Variants in FMN1 observed in about 807,000 individuals in gnomAD.
FMN1 encodes formin-1.
Under a neutral mutation model 132.4 loss-of-function variants are expected in FMN1, and 110 were observed. The ratio of observed to expected loss-of-function variants is 0.83; its 90% confidence interval spans 0.71 to 0.97. The LOEUF is 0.97. FMN1 is among the 50% of genes least tolerant of loss of function. The probability of loss-of-function intolerance (pLI) is 0.00; values close to 1 mark genes in which losing one functional copy is unlikely to be tolerated. For synonymous variants in FMN1, 722 were observed against 651.7 expected (o/e 1.11, Z -1.64); for missense variants, 1,792 against 1,705.3 (o/e 1.05, Z -0.90).
At chr15:33,024,908 A>G (rs1379667555) in intron 6 of FMN1, among the ~76,000 whole-genome samples, 1 of 152,234 alleles carries the variant, frequency 6.6e-6, no homozygotes, top group Non-Finnish European at 1.5e-5. Context: ...AAATAGAGCT[A>G]TACATACGAA....
chr15:32,856,687 C>A (rs1361141977), intron 17 of FMN1, among the ~76,000 whole-genome samples: 1 of 152,194 alleles, frequency 6.6e-6, no homozygotes, highest in Non-Finnish European at 1.5e-5. Context: ...ATCTGCCTTA[C>A]ATGTATGTCA....
chr15:32,949,974 T>TATATATAC (rs2061597856), intron 9 of FMN1, among the ~76,000 whole-genome samples: 1 of 52,840 alleles, frequency 1.9e-5, no homozygotes, highest in African/African-American at 1.4e-4. Context: ...TACACACATA[T>TATATATAC]ATATACACAC....
rs528196706 is a variant in FMN1 at position 33,003,313 on chromosome 15, C to G, written c.2223+4701G>C. 2.6e-5 allele frequency among the ~76,000 whole-genome samples: 4 copies of G among 152,302 alleles called. No individual in the cohort carries two copies. The South Asian group carries it at 8.3e-4, about 32-fold the overall frequency. On this transcript the variant is annotated intron_variant, in intron 7 of 20. Transcript: ENST00000616417. ...TATCTAGAAAACCCCATTGTCTCAG[C>G]CCAAAATCTCCTTAAGCTGATAAGC...
chr15:33,193,091 AAT>A (rs1303809908), intron 2 of FMN1, among the ~76,000 whole-genome samples: 1 of 152,160 alleles, frequency 6.6e-6, no homozygotes, highest in Non-Finnish European at 1.5e-5. Flanking sequence ...TTGTTCCTGC[AAT>A]ATGTCTAACT....
At chr15:32,845,315 T>C (rs2058831375) in intron 17 of FMN1, among the ~76,000 whole-genome samples, 1 of 152,220 alleles carries the variant, frequency 6.6e-6, no homozygotes, top group African/African-American at 2.4e-5. Context: ...TACTTGTCAC[T>C]GCAATTCTTT....
rs149984349 is a variant in FMN1 at position 32,824,509 on chromosome 15, C to A, written c.3929-20177G>T. ...GTTCAACATTGGTCAATTATCTCAC[C>A]CATTCTGATCACTTGCTCTGTTCCC... On this transcript the variant is annotated intron_variant, in intron 17 of 20. Coordinates refer to ENST00000616417, the MANE Select transcript of FMN1 (RefSeq NM_001277313.2). Among the ~76,000 whole-genome samples the A allele has an allele frequency of 1.2e-3, 187 of 152,246 alleles. 2 individuals carry two copies. Among genetic ancestry groups the A allele is most frequent in the Middle Eastern group, 6.8e-3 (2 of 294 alleles).
intron 7 of FMN1, among the ~76,000 whole-genome samples, chr15:32,990,180 G>A (rs1438606190): frequency 6.6e-6 from 1 of 152,134 alleles, no homozygotes; most frequent in African/African-American, 2.4e-5. Flanking sequence ...CTTACACAGA[G>A]ATAAGCTTGT....
At chr15:33,085,023 A>G (rs2038634084) in intron 5 of FMN1, among the ~76,000 whole-genome samples, 1 of 152,180 alleles carries the variant, frequency 6.6e-6, no homozygotes, top group Admixed American at 6.5e-5. Context: ...TGATCAATAT[A>G]TTGCTTAGAG....
At position 33,115,500 on chromosome 15, in the gene FMN1, C is replaced by CACA. The variant is rs1001543357; in HGVS notation, c.1868-26527_1868-26526insTGT. Among the ~76,000 whole-genome samples, 1,350 of 147,884 alleles carry CACA rather than the reference C, an allele frequency of 9.1e-3. 21 individuals are homozygous for CACA. The highest frequency in any genetic ancestry group is 0.038 in the Middle Eastern group (11 of 288). Reference sequence around the variant, plus strand: ...TGGATTTCATCCTTAAGCCCCCCCCCCCCACACACACACGCACACACACAA... The same window carrying CACA: ...TGGATTTCATCCTTAAGCCCCCCCCCACACCCACACACACACGCACACACACAA... On this transcript the variant is annotated intron_variant, in intron 4 of 20. Transcript: ENST00000616417.
At chr15:32,971,007 G>A (rs891217099) in intron 7 of FMN1, among the ~76,000 whole-genome samples, 5 of 152,174 alleles carry the variant, frequency 3.3e-5, no homozygotes, top group African/African-American at 2.4e-5. Context: ...AGTGCAGAGC[G>A]CTGAGTGCCG....
intron 5 of FMN1, among the ~76,000 whole-genome samples, chr15:33,065,554 C>A (rs10851823): frequency 2.0e-5 from 3 of 151,982 alleles, no homozygotes; most frequent in Admixed American, 6.6e-5. Context: ...TTCCTATAAA[C>A]GAATGAATGA....
chr15:33,100,944 C>T (rs143470864), intron 4 of FMN1, among the ~76,000 whole-genome samples: 1 of 152,008 alleles, frequency 6.6e-6, no homozygotes, highest in East Asian at 1.9e-4. Context: ...AATATGACAT[C>T]AAGTATGAAA....
chr15:33,064,224 G>A (rs1466463651), intron 6 of FMN1: 2 of 152,112 alleles, frequency 1.3e-5, no homozygotes, highest in Non-Finnish European at 2.9e-5. Flanking sequence ...ACAAATATAA[G>A]CCACGTATAG....
intron 6 of FMN1, among the ~76,000 whole-genome samples, chr15:33,018,922 G>T (rs1596482445): frequency 6.6e-6 from 1 of 152,186 alleles, no homozygotes; most frequent in Admixed American, 6.5e-5. Flanking sequence ...GAGTGAAGCT[G>T]CAGACCTTCC....
At chr15:33,094,942 G>A (rs1045878601) in intron 4 of FMN1, among the ~76,000 whole-genome samples, 3 of 152,142 alleles carry the variant, frequency 2.0e-5, no homozygotes, top group African/African-American at 7.2e-5. Context: ...GAGATTGTAG[G>A]ATTCACTGAG....
Position 32,902,020 on chromosome 15 carries a change from T to C in FMN1, c.3398A>G (p.Gln1133Arg). The change falls in exon 13 of 21, where the codon CAG (glutamine) becomes CGG (arginine). Residue 1133 changes from glutamine (Q) to arginine (R), a missense_variant. Coordinates refer to ENST00000616417, the MANE Select transcript of FMN1 (RefSeq NM_001277313.2). Reference protein sequence around the residue: ...KPEQFLHELAQIPNFAERAQC... With the variant: ...KPEQFLHELARIPNFAERAQC... The stretch of plus-strand genomic sequence containing the variant: ...GGCACGTTCAGCAAAATTAGGAATC[T>C]GGGCTAACTCATGTAAAAATCTGTA... The C allele has an allele frequency of 6.2e-7, 1 of 1,611,006 alleles. No homozygotes were observed. The highest frequency in any genetic ancestry group is 1.3e-5 in the African/African-American group (1 of 74,848).
chr15:32,861,697 C>T (rs886765743), intron 16 of FMN1, among the ~76,000 whole-genome samples: 1 of 152,160 alleles, frequency 6.6e-6, no homozygotes, highest in Non-Finnish European at 1.5e-5. Context: ...GCTACAGATG[C>T]TGGGCACTGT....
intron 15 of FMN1, among the ~76,000 whole-genome samples, chr15:32,896,072 GGTA>G (rs2060147447): frequency 6.6e-6 from 1 of 151,750 alleles, no homozygotes; most frequent in African/African-American, 2.4e-5. Flanking sequence ...TCTGGTCTCT[GGTA>G]TGAGATCTAG....
At chr15:32,802,891 C>A (rs546588586) in intron 18 of FMN1, among the ~76,000 whole-genome samples, 1 of 152,220 alleles carries the variant, frequency 6.6e-6, no homozygotes, top group Non-Finnish European at 1.5e-5. Flanking sequence ...AAAAACATAG[C>A]CATGGAATTA....
Sources: gnomAD v4.1 joint callset for allele counts (sites outside exome capture counted in the v4.1 genomes callset) on GRCh38, gnomAD v4.1.1 for gene constraint, MANE v1.5 for transcripts, NCBI Gene and HGNC (gene_info 2026-07-23, HGNC 2026-07-21) for gene names.